FNDC3B: variants seen among roughly 807,000 people sequenced by gnomAD.
The protein encoded by FNDC3B is fibronectin type III domain-containing protein 3B.
FNDC3B carries 12 observed loss-of-function variants against 151.5 expected under a neutral mutation model. The ratio of observed to expected loss-of-function variants is 0.08; its 90% CI spans 0.05 to 0.13. The LOEUF (loss-of-function observed/expected upper bound fraction) is 0.13. Among genes scored for constraint, FNDC3B ranks in the 10% least tolerant of loss-of-function variants. The pLI, the probability that FNDC3B is intolerant of heterozygous loss-of-function variation, is 1.00. For synonymous variants in FNDC3B, 528 were observed against 549.0 expected (o/e 0.96, Z 0.54); for missense variants, 1,214 against 1,505.3 (o/e 0.81, Z 3.20).
chr3:172,251,841 C>G (rs1336697733), intron 6 of FNDC3B, among the ~76,000 whole-genome samples: 1 of 152,138 alleles, frequency 6.6e-6, no homozygotes, highest in Non-Finnish European at 1.5e-5. Flanking sequence ...GTTTCACTCT[C>G]TGAATAGACA....
rs185772457 is a variant in FNDC3B, at chr3:172,328,928, C to T, written c.1255-24C>T. ...TTGTTTTTTTTTTTTTAAGTATATG[C>T]ATTGTTTCATTGTTTACTTTTAGGG... is the stretch of plus-strand genomic sequence containing the variant. On this transcript the variant is annotated intron_variant, in intron 11 of 25. Transcript: ENST00000415807. The T allele has an allele frequency of 7.9e-6, 12 of 1,527,554 alleles. No homozygotes were observed. The Admixed American group carries it at 1.9e-4, about 24-fold the overall frequency. 94.6% of individuals were successfully genotyped at this position (1,527,554 alleles called of 1,614,324 possible). A position where few individuals can be genotyped will look rare whatever the true frequency, so the allele number is the denominator to read the frequency against.
intron 3 of FNDC3B, among the ~76,000 whole-genome samples, chr3:172,219,729 G>C (rs1038035173): frequency 2.0e-5 from 3 of 152,216 alleles, no homozygotes; most frequent in Admixed American, 2.0e-4. Context: ...CAATATGGGT[G>C]ATCTTTTGGG....
At chr3:172,059,394 T>C (rs754453702) in intron 1 of FNDC3B, among the ~76,000 whole-genome samples, 18 of 152,204 alleles carry the variant, frequency 1.2e-4, no homozygotes, top group Non-Finnish European at 2.4e-4. Context: ...TGACACTAAT[T>C]GTTCTCCATG....
At chr3:172,329,182 A>C in intron 12 of FNDC3B, 106 bp downstream of exon 12, 6 of 1,297,308 alleles carry the variant, frequency 4.6e-6, no homozygotes, top group Non-Finnish European at 6.4e-6. Flanking sequence ...TCCACACTAA[A>C]TCAACTGGAG....
chr3:172,362,975 G>T, intron 23 of FNDC3B, 130 bp downstream of exon 23: 1 of 700,130 alleles, frequency 1.4e-6, no homozygotes, highest in Non-Finnish European at 2.4e-6. Context: ...CCTTTGACTT[G>T]AGCCCTGCGT....
intron 4 of FNDC3B, among the ~76,000 whole-genome samples, chr3:172,228,560 G>C (rs1726711519): frequency 6.6e-6 from 1 of 151,876 alleles, no homozygotes; most frequent in Admixed American, 6.5e-5. Flanking sequence ...TTTTTGACTT[G>C]GATATAGTTC....
At chr3:172,358,830 A>G (rs1202843955) in intron 22 of FNDC3B, among the ~76,000 whole-genome samples, 3 of 152,154 alleles carry the variant, frequency 2.0e-5, no homozygotes, top group Admixed American at 6.5e-5. Flanking sequence ...ACTGTCCCCA[A>G]TTTATAGATA....
At chr3:172,153,610 C>T (rs1045129341) in intron 3 of FNDC3B, among the ~76,000 whole-genome samples, 2 of 152,162 alleles carry the variant, frequency 1.3e-5, no homozygotes, top group Non-Finnish European at 2.9e-5. Context: ...ATTCAGGTTT[C>T]CTGGTAGATA....
intron 6 of FNDC3B, among the ~76,000 whole-genome samples, chr3:172,260,662 T>G (rs9857967): frequency 0.071 from 10,883 of 152,212 alleles, 566 homozygotes; most frequent in African/African-American, 0.14. Flanking sequence ...GCTGGGTCAG[T>G]GTTAAGTAAT....
intron 14 of FNDC3B, 115 bp from the exon 15 acceptor site, chr3:172,334,829 A>ATG (rs1353393464): frequency 2.3e-6 from 2 of 855,842 alleles, no homozygotes; most frequent in East Asian, 2.6e-5. Context: ...AGAGAAAAAA[A>ATG]TGTGTGTGTG....
chr3:172,300,398 T>C (rs1287210724), intron 9 of FNDC3B, among the ~76,000 whole-genome samples: 1 of 152,244 alleles, frequency 6.6e-6, no homozygotes, highest in Non-Finnish European at 1.5e-5. Flanking sequence ...ACAATATCCT[T>C]TTTAAGAAAC....
chr3:172,128,634 T>C (rs1458710603), intron 2 of FNDC3B, among the ~76,000 whole-genome samples: 1 of 152,236 alleles, frequency 6.6e-6, no homozygotes, highest in Non-Finnish European at 1.5e-5. Flanking sequence ...GTGGTAGTAC[T>C]CTTCTCATGT....
intron 1 of FNDC3B, among the ~76,000 whole-genome samples, chr3:172,094,307 T>G (rs1358012454): frequency 6.6e-6 from 1 of 152,254 alleles, no homozygotes; most frequent in Non-Finnish European, 1.5e-5. Context: ...CGTTGGCAGT[T>G]GCTTCCCACC....
At chr3:172,136,520 C>T (rs531351646) in intron 3 of FNDC3B, among the ~76,000 whole-genome samples, 21 of 152,254 alleles carry the variant, frequency 1.4e-4, no homozygotes, top group African/African-American at 3.9e-4. Context: ...GCTCCAGCTC[C>T]AGGACAATGG....
chr3:172,344,019 A>G, intron 18 of FNDC3B, 67 bp from the exon 19 acceptor site: 1 of 1,469,918 alleles, frequency 6.8e-7, no homozygotes. Flanking sequence ...CTTGTGTGAA[A>G]TCTGGTGCAC....
chr3:172,072,836 G>T (rs933823117), intron 1 of FNDC3B, among the ~76,000 whole-genome samples: 1 of 152,160 alleles, frequency 6.6e-6, no homozygotes, highest in African/African-American at 2.4e-5. Flanking sequence ...AATGAAGCTA[G>T]ATTTCATTTC....
intron 6 of FNDC3B, among the ~76,000 whole-genome samples, chr3:172,265,282 T>C (rs1728866492): frequency 6.6e-6 from 1 of 152,238 alleles, no homozygotes; most frequent in South Asian, 2.1e-4. Flanking sequence ...GCTGTTGGTA[T>C]GCTAGAATTT....
chr3:172,400,924 A>AT lies in FNDC3B; in HGVS notation c.*3465dup, dbSNP rs3057949. On this transcript the variant is annotated 3_prime_UTR_variant, in exon 26 of 26. Coordinates refer to ENST00000415807, the MANE Select transcript of FNDC3B (RefSeq NM_022763.4). ...AGGCACTCGCCACCATGCCCGGATAATTTTTTTTTTTTTTTTGAGTTGGAG... is the reference window on the plus strand; with the variant it reads ...AGGCACTCGCCACCATGCCCGGATAATTTTTTTTTTTTTTTTTGAGTTGGAG... The AT allele has an allele frequency of 0.12, 13,624 of 115,662 alleles. 2,870 individuals carry two copies. The highest frequency in any genetic ancestry group is 0.41 in the African/African-American group (12,198 of 29,516). 7.2% of individuals were successfully genotyped at this position (115,662 alleles called of 1,614,324 possible). A position where few individuals can be genotyped will look rare whatever the true frequency, so the allele number is the denominator to read the frequency against.
intron 4 of FNDC3B, among the ~76,000 whole-genome samples, chr3:172,245,853 A>G (rs1273771070): frequency 6.6e-6 from 1 of 152,208 alleles, no homozygotes; most frequent in African/African-American, 2.4e-5. Context: ...AATAGGTAAT[A>G]TTATCTTATT....
Sources: allele counts gnomAD v4.1 joint callset (sites outside exome capture counted in the v4.1 genomes callset), GRCh38; gene constraint gnomAD v4.1.1; transcripts MANE v1.5; gene names NCBI Gene and HGNC (gene_info 2026-07-23, HGNC 2026-07-21).